The following SGCZ variants were observed in gnomAD, a reference collection of about 807,000 sequenced individuals.
SGCZ encodes the protein zeta-sarcoglycan.
In SGCZ, 40 loss-of-function variants were observed where a neutral mutation model predicts 41.3. The ratio of observed to expected loss-of-function variants is 0.97; its 90% CI spans 0.75 to 1.26. SGCZ has a LOEUF of 1.26. SGCZ is among the 50% of genes most tolerant of loss of function. The pLI, the probability that SGCZ is intolerant of heterozygous loss-of-function variation, is 0.00. For synonymous variants in SGCZ, 206 were observed against 137.5 expected (o/e 1.50, Z -3.49); for missense variants, 552 against 369.8 (o/e 1.49, Z -4.04).
intron 1 of SGCZ, among the ~76,000 whole-genome samples, chr8:14,750,207 A>G (rs1208274734): frequency 1.3e-5 from 2 of 151,970 alleles, no homozygotes; most frequent in Admixed American, 1.3e-4. Context: ...TGGAAACAAG[A>G]TAAGCTAAAG....
At chr8:14,386,038 GT>G (rs1315042261) in intron 2 of SGCZ, among the ~76,000 whole-genome samples, 4 of 151,884 alleles carry the variant, frequency 2.6e-5, no homozygotes, top group Non-Finnish European at 5.9e-5. Context: ...ATTCTTTATT[GT>G]TTATTGTGGG....
chr8:14,925,469 C>G (rs1039390707), intron 1 of SGCZ, among the ~76,000 whole-genome samples: 2 of 152,130 alleles, frequency 1.3e-5, no homozygotes, highest in Non-Finnish European at 2.9e-5. Flanking sequence ...CTTGACCTAA[C>G]AGAGTAATTT....
intron 2 of SGCZ, among the ~76,000 whole-genome samples, chr8:14,380,702 A>C (rs1804329448): frequency 2.0e-5 from 3 of 152,086 alleles, no homozygotes; most frequent in Admixed American, 6.5e-5. Flanking sequence ...AAATAGAAAA[A>C]TTAGCTGGGC....
chr8:14,114,058 A>T lies in SGCZ; in HGVS notation c.548-5823T>A, dbSNP rs76767389. 5.7e-4 allele frequency among the ~76,000 whole-genome samples: 86 copies of T among 152,130 alleles called. No individual in the cohort carries two copies. The East Asian group carries it at 0.016, about 28-fold the overall frequency. ...TAAAAATTACTGGTATATATTTCTA[A>T]CATTGCATTGCAATTTGCTTTAAGC... On this transcript the variant is annotated intron_variant, in intron 5 of 7. Transcript: ENST00000382080.
In SGCZ at chr8:14,711,984, C is replaced by G. The variant is rs570441336; in HGVS notation, c.40-157058G>C. ...CTACAAAATCAAAACTAAAGCTTAA[C>G]CAGGCCAGGCGTGGTGGCTCATGCC... On this transcript the variant is annotated intron_variant, in intron 1 of 7. Coordinates refer to ENST00000382080, the MANE Select transcript of SGCZ (RefSeq NM_139167.4). Among the ~76,000 whole-genome samples the G allele has an allele frequency of 7.9e-5, 12 of 152,160 alleles. No homozygotes were observed. The East Asian group carries it at 2.3e-3, about 30-fold the overall frequency.
intron 2 of SGCZ, among the ~76,000 whole-genome samples, chr8:14,327,747 A>G (rs997796263): frequency 1.3e-5 from 2 of 152,210 alleles, no homozygotes; most frequent in African/African-American, 4.8e-5. Flanking sequence ...TTTAAATTAG[A>G]TAAAACAGAA....
chr8:14,182,393 T>C (rs908851379), intron 4 of SGCZ, among the ~76,000 whole-genome samples: 4 of 152,016 alleles, frequency 2.6e-5, no homozygotes, highest in Admixed American at 6.6e-5. Flanking sequence ...ACAGTAGGCA[T>C]AGAGCCAGAA....
chr8:14,967,369 C>T (rs1399231694), intron 1 of SGCZ, among the ~76,000 whole-genome samples: 1 of 152,180 alleles, frequency 6.6e-6, no homozygotes, highest in Non-Finnish European at 1.5e-5. Flanking sequence ...CAGATTCTTA[C>T]ATGACATCAA....
intron 2 of SGCZ, among the ~76,000 whole-genome samples, chr8:14,514,708 C>A (rs1390033445): frequency 4.1e-5 from 6 of 147,750 alleles, no homozygotes; most frequent in Non-Finnish European, 7.4e-5. Context: ...TATGTACACA[C>A]ATTTACATAT....
At chr8:14,639,237 G>C (rs1463869284) in intron 1 of SGCZ, among the ~76,000 whole-genome samples, 2 of 151,250 alleles carry the variant, frequency 1.3e-5, no homozygotes, top group Non-Finnish European at 3.0e-5. Flanking sequence ...AGTTAGGAGA[G>C]GCAGCAATCC....
At chr8:14,104,341 T>C (rs1585137566) in intron 6 of SGCZ, among the ~76,000 whole-genome samples, 1 of 151,944 alleles carries the variant, frequency 6.6e-6, no homozygotes, top group African/African-American at 2.4e-5. Context: ...TACCACCTGG[T>C]TTTTCAAAGC....
At chr8:14,713,883 C>T (rs1231032727) in intron 1 of SGCZ, among the ~76,000 whole-genome samples, 4 of 152,054 alleles carry the variant, frequency 2.6e-5, no homozygotes, top group African/African-American at 9.7e-5. Flanking sequence ...TTAAGCTAAT[C>T]ACCTTAACTT....
chr8:15,236,294 C>T lies in SGCZ; in HGVS notation c.39+1291G>A, dbSNP rs1802116619. Reference sequence around the variant, plus strand: ...GGGCGCCTGGAGAACTGGGCTCCTGCGTGCCCCCTGGCCAGGGCACAGGAC... The same window carrying T: ...GGGCGCCTGGAGAACTGGGCTCCTGTGTGCCCCCTGGCCAGGGCACAGGAC... On this transcript the variant is annotated intron_variant, in intron 1 of 7. Coordinates refer to ENST00000382080, the MANE Select transcript of SGCZ (RefSeq NM_139167.4). Among the ~76,000 whole-genome samples, 3 of 152,314 alleles carry T rather than the reference C, an allele frequency of 2.0e-5. No individual in the cohort carries two copies. The South Asian group carries it at 6.2e-4, about 32-fold the overall frequency.
intron 1 of SGCZ, among the ~76,000 whole-genome samples, chr8:15,122,971 G>A (rs1331288345): frequency 1.5e-4 from 23 of 152,092 alleles, no homozygotes; most frequent in Non-Finnish European, 2.1e-4. Flanking sequence ...ATTAAGTCAA[G>A]GTCTATAGGT....
At chr8:14,489,651 T>G (rs894445119) in intron 2 of SGCZ, among the ~76,000 whole-genome samples, 1 of 152,044 alleles carries the variant, frequency 6.6e-6, no homozygotes, top group African/African-American at 2.4e-5. Flanking sequence ...AAAAAAGACT[T>G]GAAATTGGCA....
chr8:14,375,212 C>T (rs987092412), intron 2 of SGCZ, among the ~76,000 whole-genome samples: 1 of 152,142 alleles, frequency 6.6e-6, no homozygotes, highest in Non-Finnish European at 1.5e-5. Flanking sequence ...ATGCTGAAAG[C>T]TACAATTCAC....
intron 1 of SGCZ, among the ~76,000 whole-genome samples, chr8:14,611,203 A>T (rs1336821527): frequency 6.6e-6 from 1 of 152,120 alleles, no homozygotes; most frequent in Non-Finnish European, 1.5e-5. Flanking sequence ...CTTCCTCAAC[A>T]CTGAGTCTTT....
chr8:14,770,269 G>A (rs1800191215), intron 1 of SGCZ, among the ~76,000 whole-genome samples: 1 of 151,560 alleles, frequency 6.6e-6, no homozygotes, highest in Admixed American at 6.6e-5. Flanking sequence ...TGCCAAGACA[G>A]ACCCATCTGA....
chr8:14,152,221 C>G lies in SGCZ; in HGVS notation c.547+12359G>C, dbSNP rs1379024173. ...CTGTTACCTAGAATATGGAAAGAAC[C>G]TCAAAACCATAACAAAAAAAACTCA... On this transcript the variant is annotated intron_variant, in intron 5 of 7. Transcript: ENST00000382080. Among the ~76,000 whole-genome samples, 3 of 151,244 alleles carry G rather than the reference C, an allele frequency of 2.0e-5. No homozygotes were observed. In the East Asian group the frequency reaches 5.8e-4, roughly 29 times the overall value.
Sources: allele counts gnomAD v4.1 joint callset (sites outside exome capture counted in the v4.1 genomes callset), GRCh38; gene constraint gnomAD v4.1.1; transcripts MANE v1.5; gene names NCBI Gene and HGNC (gene_info 2026-07-23, HGNC 2026-07-21).